Variants in SLX4IP observed in about 807,000 individuals in gnomAD.
SLX4IP encodes the protein SLX4 interacting protein, also known as protein SLX4IP.
A neutral mutation model predicts 32.9 loss-of-function variants in SLX4IP; 34 were observed. The observed-to-expected ratio is 1.03, with a 90% CI of 0.79 to 1.38. SLX4IP has a LOEUF of 1.38. Among genes scored for constraint, SLX4IP ranks in the 40% most tolerant of loss-of-function variants. The pLI, the probability that SLX4IP is intolerant of heterozygous loss-of-function variation, is 0.00. For missense variants in SLX4IP, 444 were observed against 479.0 expected, an observed-to-expected ratio of 0.93 and a Z score of 0.68; for synonymous variants, 172 against 171.7, an observed-to-expected ratio of 1.00 and a Z score of -0.01.
chr20:10,451,247 G>C (rs932598233), intron 1 of SLX4IP, among the ~76,000 whole-genome samples: 1 of 151,784 alleles, frequency 6.6e-6, no homozygotes, highest in African/African-American at 2.4e-5. Context: ...TGCAATTTGC[G>C]CCTGCCAGGT....
chr20:10,493,859 CTTTTTTTT>C (rs58299545), intron 2 of SLX4IP, among the ~76,000 whole-genome samples: 14 of 70,544 alleles, frequency 2.0e-4, no homozygotes, highest in Non-Finnish European at 3.4e-4. Context: ...TTATAGTTGC[CTTTTTTTT>C]TTTTTTTTTT....
intron 2 of SLX4IP, among the ~76,000 whole-genome samples, chr20:10,491,595 A>G (rs2065624633): frequency 6.6e-6 from 1 of 152,198 alleles, no homozygotes; most frequent in Non-Finnish European, 1.5e-5. Flanking sequence ...CATCTTTTAC[A>G]TCTGAAGATT....
chr20:10,478,777 T>A (rs563205124), intron 2 of SLX4IP, among the ~76,000 whole-genome samples: 2 of 152,200 alleles, frequency 1.3e-5, no homozygotes, highest in African/African-American at 4.8e-5. Context: ...AAGGTCAATT[T>A]TGGACCCCAG....
At chr20:10,539,003 A>G (rs1600978308) in intron 2 of SLX4IP, among the ~76,000 whole-genome samples, 1 of 152,360 alleles carries the variant, frequency 6.6e-6, no homozygotes. Flanking sequence ...AGAGGCACAT[A>G]CCAAAAATAA....
chr20:10,493,769 A>G (rs1353151760), intron 2 of SLX4IP, among the ~76,000 whole-genome samples: 1 of 151,462 alleles, frequency 6.6e-6, no homozygotes, highest in Non-Finnish European at 1.5e-5. Context: ...CACATTTTAG[A>G]TGAAAAATGT....
At chr20:10,497,337 G>T (rs969633289) in intron 2 of SLX4IP, among the ~76,000 whole-genome samples, 1 of 152,078 alleles carries the variant, frequency 6.6e-6, no homozygotes, top group South Asian at 2.1e-4. Context: ...TCTGCCATTA[G>T]ATTTTGTGAT....
intron 4 of SLX4IP, among the ~76,000 whole-genome samples, chr20:10,593,959 G>A (rs896596869): frequency 6.6e-5 from 10 of 152,184 alleles, no homozygotes; most frequent in African/African-American, 2.4e-4. Context: ...TTTGAATATA[G>A]GCTGATTATT....
At chr20:10,483,438 T>A (rs1311617235) in intron 2 of SLX4IP, among the ~76,000 whole-genome samples, 3 of 152,168 alleles carry the variant, frequency 2.0e-5, no homozygotes, top group African/African-American at 7.2e-5. Context: ...GGTAATTTTG[T>A]AATTAGTATG....
chr20:10,603,001 G>A (rs1333204505), intron 6 of SLX4IP, among the ~76,000 whole-genome samples: 1 of 152,158 alleles, frequency 6.6e-6, no homozygotes, highest in East Asian at 1.9e-4. Flanking sequence ...AATGAATGAG[G>A]CAAATTTGGT....
At chr20:10,442,653 C>T (rs1016215479) in intron 1 of SLX4IP, among the ~76,000 whole-genome samples, 2 of 152,234 alleles carry the variant, frequency 1.3e-5, no homozygotes, top group Non-Finnish European at 2.9e-5. Flanking sequence ...TGAATTTAGA[C>T]TTGAATTGCC....
intron 1 of SLX4IP, among the ~76,000 whole-genome samples, chr20:10,446,411 C>CAA (rs36181096): frequency 4.4e-5 from 5 of 112,382 alleles, no homozygotes; most frequent in Admixed American, 8.8e-5. Flanking sequence ...GACTCTGTCT[C>CAA]AAAAAAAAAA....
intron 2 of SLX4IP, among the ~76,000 whole-genome samples, chr20:10,485,025 C>T (rs886678650): frequency 6.6e-6 from 1 of 151,772 alleles, no homozygotes; most frequent in South Asian, 2.1e-4. Context: ...CAAGGGGAGA[C>T]CTGGGAAACA....
At chr20:10,589,999 C>A (rs949903421) in intron 4 of SLX4IP, among the ~76,000 whole-genome samples, 1 of 151,128 alleles carries the variant, frequency 6.6e-6, no homozygotes, top group East Asian at 1.9e-4. Flanking sequence ...CATTATTTTT[C>A]GCAGCTTCCA....
At chr20:10,519,885 G>A (rs1470708151) in intron 2 of SLX4IP, among the ~76,000 whole-genome samples, 1 of 152,152 alleles carries the variant, frequency 6.6e-6, no homozygotes. Flanking sequence ...GCTATCGTCT[G>A]TCTTCTTGTT....
intron 3 of SLX4IP, 130 bp from the exon 4 acceptor site, chr20:10,560,570 T>A: frequency 1.4e-6 from 1 of 701,664 alleles, no homozygotes. Flanking sequence ...ACATATGACA[T>A]TCCTTTCAAC....
chr20:10,454,324 T>A (rs1216951157), intron 1 of SLX4IP, among the ~76,000 whole-genome samples: 2 of 152,176 alleles, frequency 1.3e-5, no homozygotes, highest in Non-Finnish European at 2.9e-5. Flanking sequence ...ACAGTGTCTT[T>A]TAGGTTAGTC....
At chr20:10,458,091 C>A in intron 1 of SLX4IP, 85 bp from the exon 2 acceptor site, 1 of 768,856 alleles carries the variant, frequency 1.3e-6, no homozygotes, top group Non-Finnish European at 2.0e-6. Flanking sequence ...TGATATTTTA[C>A]TATTCAGCCC....
At chr20:10,543,495 C>G (rs1418961115) in intron 2 of SLX4IP, among the ~76,000 whole-genome samples, 1 of 152,124 alleles carries the variant, frequency 6.6e-6, no homozygotes, top group African/African-American at 2.4e-5. Context: ...GATGAAAGTG[C>G]AGATGGAGGC....
At chr20:10,438,119 C>G in intron 1 of SLX4IP, among the ~76,000 whole-genome samples, 1 of 152,066 alleles carries the variant, frequency 6.6e-6, no homozygotes, top group South Asian at 2.1e-4. Flanking sequence ...ATGCAAATCA[C>G]CAGGGGAAAG....
Sources: gnomAD v4.1 joint callset for allele counts (sites outside exome capture counted in the v4.1 genomes callset) on GRCh38, gnomAD v4.1.1 for gene constraint, MANE v1.5 for transcripts, NCBI Gene and HGNC (gene_info 2026-07-23, HGNC 2026-07-21) for gene names.